Variants in PRKAG2 observed in about 807,000 individuals in gnomAD.
PRKAG2 encodes 5'-AMP-activated protein kinase subunit gamma-2.
PRKAG2 carries 26 observed loss-of-function variants against 69.6 expected under a neutral mutation model. The observed-to-expected ratio is 0.37, with a 90% confidence interval of 0.27 to 0.52. PRKAG2 has a LOEUF of 0.52. Ranked by LOEUF, PRKAG2 falls within the 20% of genes least tolerant of loss-of-function variation. The pLI is 0.90. For synonymous variants in PRKAG2, 293 were observed against 285.0 expected (o/e 1.03, Z -0.28); for missense variants, 557 against 740.0 (o/e 0.75, Z 2.87).
At chr7:151,624,749 T>C (rs546667477) in intron 5 of PRKAG2, among the ~76,000 whole-genome samples, 3 of 152,210 alleles carry the variant, frequency 2.0e-5, no homozygotes, top group Non-Finnish European at 2.9e-5. Context: ...GAGAAGCCTT[T>C]CACACCTCCA....
intron 1 of PRKAG2, among the ~76,000 whole-genome samples, chr7:151,794,385 C>G (rs963319528): frequency 1.3e-5 from 2 of 152,286 alleles, no homozygotes; most frequent in African/African-American, 2.4e-5. Context: ...CCTTTAAAAT[C>G]CAGGAACCTC....
In PRKAG2 at chr7:151,862,277, T is replaced by G. The variant is rs760381616; in HGVS notation, c.114+14230A>C. ...AGGAAAAAAACAAATAACACAGTAA[T>G]GTGCCTAAAATCTGCCCCTTTTTTT... On this transcript the variant is annotated intron_variant, in intron 1 of 15. Transcript: ENST00000287878. Among the ~76,000 whole-genome samples, 7 of 152,272 alleles carry G rather than the reference T, an allele frequency of 4.6e-5. 2 individuals carry two copies. Among genetic ancestry groups the G allele is most frequent in the Admixed American group, 4.6e-4 (7 of 15,290 alleles).
intron 3 of PRKAG2, among the ~76,000 whole-genome samples, chr7:151,727,654 C>T (rs536615431): frequency 6.6e-6 from 1 of 152,254 alleles, no homozygotes; most frequent in East Asian, 1.9e-4. Flanking sequence ...TGCAGCCACT[C>T]CCTTTCCATC....
intron 1 of PRKAG2, among the ~76,000 whole-genome samples, chr7:151,817,712 A>G (rs2078677956): frequency 6.6e-6 from 1 of 152,212 alleles, no homozygotes; most frequent in South Asian, 2.1e-4. Flanking sequence ...AGTATTTTAC[A>G]TATCCTCTCT....
At chr7:151,686,377 T>C (rs1392252468) in intron 3 of PRKAG2, among the ~76,000 whole-genome samples, 1 of 152,208 alleles carries the variant, frequency 6.6e-6, no homozygotes, top group Non-Finnish European at 1.5e-5. Flanking sequence ...GCCTCCATCC[T>C]GTCTCACAGC....
At chr7:151,770,979 G>T (rs913245951) in intron 3 of PRKAG2, among the ~76,000 whole-genome samples, 1 of 152,174 alleles carries the variant, frequency 6.6e-6, no homozygotes, top group African/African-American at 2.4e-5. Flanking sequence ...TAAGATTCAA[G>T]CAGCACTGTG....
intron 4 of PRKAG2, among the ~76,000 whole-genome samples, chr7:151,633,847 C>T (rs1456353754): frequency 2.0e-5 from 3 of 151,874 alleles, no homozygotes; most frequent in African/African-American, 4.8e-5. Flanking sequence ...GCAATTGCTA[C>T]CAAATTAGGG....
At chr7:151,605,613 T>G (rs538659772) in intron 5 of PRKAG2, among the ~76,000 whole-genome samples, 2 of 151,684 alleles carry the variant, frequency 1.3e-5, no homozygotes, top group South Asian at 4.2e-4. Context: ...GGTGCATGCC[T>G]GTAATCCCAG....
intron 1 of PRKAG2, among the ~76,000 whole-genome samples, chr7:151,806,297 C>T (rs930367252): frequency 6.6e-6 from 1 of 152,220 alleles, no homozygotes; most frequent in African/African-American, 2.4e-5. Context: ...GGGCTAACTT[C>T]CTCATTTATT....
intron 3 of PRKAG2, among the ~76,000 whole-genome samples, chr7:151,774,268 A>C (rs2076225782): frequency 6.6e-6 from 1 of 152,106 alleles, no homozygotes; most frequent in South Asian, 2.1e-4. Context: ...TCTGAGAGGT[A>C]AGATCCTTCC....
intron 1 of PRKAG2, among the ~76,000 whole-genome samples, chr7:151,827,745 TAAAAA>T (rs55685618): frequency 0.022 from 1,131 of 52,184 alleles, 7 homozygotes; most frequent in South Asian, 0.052. Flanking sequence ...TGGCCTTAGG[TAAAAA>T]AAAAAAAAAA....
intron 4 of PRKAG2, among the ~76,000 whole-genome samples, chr7:151,649,306 A>G (rs926820939): frequency 1.6e-4 from 24 of 152,204 alleles, no homozygotes; most frequent in African/African-American, 5.8e-4. Flanking sequence ...GTGTATGTTT[A>G]GCAGAGATGG....
intron 6 of PRKAG2, among the ~76,000 whole-genome samples, chr7:151,590,268 CACAG>C: frequency 1.3e-5 from 2 of 152,332 alleles, no homozygotes; most frequent in East Asian, 3.9e-4. Flanking sequence ...GACCTGCACC[CACAG>C]ACAGAGAACC....
chr7:151,701,485 G>A (rs529087472), intron 3 of PRKAG2, among the ~76,000 whole-genome samples: 91 of 152,292 alleles, frequency 6.0e-4, no homozygotes, highest in Middle Eastern at 3.4e-3. Context: ...AGGAGGAAAC[G>A]TGGACACAGA....
intron 3 of PRKAG2, among the ~76,000 whole-genome samples, chr7:151,696,761 G>A (rs1037498261): frequency 2.6e-5 from 4 of 152,282 alleles, no homozygotes; most frequent in African/African-American, 7.2e-5. Flanking sequence ...AGATAAAAAC[G>A]ATCACACCAG....
At chr7:151,743,943 C>G (rs1278612808) in intron 3 of PRKAG2, among the ~76,000 whole-genome samples, 1 of 152,166 alleles carries the variant, frequency 6.6e-6, no homozygotes, top group Non-Finnish European at 1.5e-5. Context: ...GTGTGCCAGC[C>G]CCCCCACATC....
intron 1 of PRKAG2, among the ~76,000 whole-genome samples, chr7:151,863,232 C>T (rs2079980811): frequency 6.6e-6 from 1 of 151,688 alleles, no homozygotes; most frequent in South Asian, 2.1e-4. Context: ...TGGTAAATCC[C>T]CAGGTACAGG....
At chr7:151,847,014 G>A (rs988700672) in intron 1 of PRKAG2, among the ~76,000 whole-genome samples, 4 of 152,210 alleles carry the variant, frequency 2.6e-5, no homozygotes, top group Non-Finnish European at 4.4e-5. Context: ...AAGTGTGTAT[G>A]GGGGTAAGCG....
At chr7:151,633,101 C>G (rs1366590585) in intron 4 of PRKAG2, 1 of 152,212 alleles carries the variant, frequency 6.6e-6, no homozygotes, top group Non-Finnish European at 1.5e-5. Context: ...GCTCCAGTAC[C>G]GATTAGGGCT....
Sources: allele counts gnomAD v4.1 joint callset (sites outside exome capture counted in the v4.1 genomes callset), GRCh38; gene constraint gnomAD v4.1.1; transcripts MANE v1.5; gene names NCBI Gene and HGNC (gene_info 2026-07-23, HGNC 2026-07-21).